SMUG1: variants seen among roughly 807,000 people sequenced by gnomAD.
The protein encoded by SMUG1 is single-strand selective monofunctional uracil DNA glycosylase.
Under a neutral mutation model 23.9 loss-of-function variants are expected in SMUG1, and 13 were observed. The ratio of observed to expected loss-of-function variants is 0.54; its 90% CI spans 0.35 to 0.86. The LOEUF is 0.86. SMUG1 is among the 40% of genes least tolerant of loss of function. SMUG1 has a pLI of 0.01. For synonymous variants in SMUG1, 133 were observed against 139.8 expected (o/e 0.95, Z 0.34); for missense variants, 313 against 339.5 (o/e 0.92, Z 0.61).
Position 54,171,019 on chromosome 12 carries a change from G to A in SMUG1, c.*52+1006C>T, listed in dbSNP as rs1940602202. 2.8e-5 allele frequency among the ~76,000 whole-genome samples: 4 copies of A among 145,454 alleles called. No individual in the cohort carries two copies. The South Asian group carries it at 6.5e-4, about 24-fold the overall frequency. ...TCTTTCTTTTTTTTTTTTTTGAGAC[G>A]AAGTGTCATTCTGTCACCCATGCTG... is the stretch of plus-strand genomic sequence containing the variant. On this transcript the variant is annotated intron_variant and NMD_transcript_variant, in intron 3 of 4. Transcript: ENST00000509864.
At chr12:54,166,161 G>A (rs1940456091) in intron 3 of SMUG1, among the ~76,000 whole-genome samples, 1 of 152,224 alleles carries the variant, frequency 6.6e-6, no homozygotes, top group Admixed American at 6.5e-5. Flanking sequence ...AGGAGTTCGA[G>A]ACCAGCCTGG....
rs1565833193 is a variant in SMUG1 at position 54,185,504 on chromosome 12, ATAAATAAATAAATAAAT to A, written c.-19-1562_-19-1546del. 6.7e-3 allele frequency among the ~76,000 whole-genome samples: 638 copies of A among 95,840 alleles called. 180 individuals carry two copies. The highest frequency in any genetic ancestry group is 0.013 in the South Asian group (37 of 2,898). The allele number at this position is 95,840 out of a possible 152,430, so 62.9% of individuals were successfully genotyped here. A position where few individuals can be genotyped will look rare whatever the true frequency, so the allele number is the denominator to read the frequency against. On this transcript the variant is annotated intron_variant, in intron 2 of 3. Coordinates refer to ENST00000682136, the MANE Select transcript of SMUG1 (RefSeq NM_001243787.2). ...AAATAAAAAATAAATAAATAAATAA[ATAAATAAATAAATAAAT>A]AAATAAATTTGCCGGGCGCAACAGC...
intron 4 of SMUG1, chr12:54,164,894 A>G (rs1940397695): frequency 6.6e-6 from 1 of 152,216 alleles, no homozygotes; most frequent in South Asian, 2.1e-4. Context: ...CGGAGGCAGT[A>G]TTACCCTGTT....
At chr12:54,159,310 C>G (rs1940155752) in intron 4 of SMUG1, among the ~76,000 whole-genome samples, 1 of 152,204 alleles carries the variant, frequency 6.6e-6, no homozygotes, top group Non-Finnish European at 1.5e-5. Flanking sequence ...ATCATCCAAG[C>G]AGCTGCCACA....
intron 1 of SMUG1, chr12:54,188,735 C>G (rs948865536): frequency 6.6e-6 from 1 of 152,248 alleles, no homozygotes; most frequent in Admixed American, 6.5e-5. Context: ...CCTCCGGGGG[C>G]GCCCGCTGGC....
chr12:54,160,392 C>G (rs1367832354), downstream of SMUG1, among the ~76,000 whole-genome samples: 2 of 152,198 alleles, frequency 1.3e-5, no homozygotes, highest in African/African-American at 4.8e-5. Context: ...GACCTGCTAC[C>G]CTGGGCAGTC....
Position 54,181,566 on chromosome 12 carries a change from AC to A in SMUG1, c.*529del. ...GGTCTTCTGACTTGCACTCTGTCAC[AC>A]TGGATTTTTCCTCTGATCCAGCTGC... On this transcript the variant is annotated 3_prime_UTR_variant, in exon 4 of 4. Coordinates refer to ENST00000682136, the MANE Select transcript of SMUG1 (RefSeq NM_001243787.2). 6.4e-7 allele frequency: 1 copy of A among 1,554,438 alleles called. No homozygotes were observed. The highest frequency in any genetic ancestry group is 8.6e-7 in the Non-Finnish European group (1 of 1,156,370).
At chr12:54,176,837 A>G (rs1258245974), downstream of SMUG1, among the ~76,000 whole-genome samples, 24 of 151,374 alleles carry the variant, frequency 1.6e-4, no homozygotes, top group East Asian at 4.7e-3. Context: ...AAAAAAAAAA[A>G]AAAGAGGTAA....
chr12:54,173,225 G>C (rs568820741), intron 2 of SMUG1: 1 of 154,122 alleles, frequency 6.5e-6, no homozygotes, highest in East Asian at 1.9e-4. Flanking sequence ...GACAGGCAGC[G>C]CAAGGGAGAG....
downstream of SMUG1, among the ~76,000 whole-genome samples, chr12:54,178,326 A>AC (rs2136557717): frequency 6.6e-6 from 1 of 152,272 alleles, no homozygotes; most frequent in East Asian, 1.9e-4. Flanking sequence ...AATTGAAAGC[A>AC]ACAGCCCCAC....
chr12:54,172,968 C>A (rs1218300566), intron 2 of SMUG1: 6 of 152,436 alleles, frequency 3.9e-5, no homozygotes, highest in African/African-American at 9.7e-5. Flanking sequence ...GAGGACTCAG[C>A]GGACAGCCTG....
chr12:54,172,212 T>C (rs1386879306), intron 2 of SMUG1: 3 of 421,230 alleles, frequency 7.1e-6, no homozygotes, highest in Non-Finnish European at 1.5e-5. Flanking sequence ...TATTAGTTTC[T>C]ACGTGATGTG....
At position 54,182,220 on chromosome 12, in the gene SMUG1, G is replaced by C; in HGVS notation, c.689C>G (p.Pro230Arg). 1 of 1,612,206 alleles carries C rather than the reference G, an allele frequency of 6.2e-7. No homozygotes were observed. The highest frequency in any genetic ancestry group is 2.2e-5 in the East Asian group (1 of 44,816). ...RARRALAGLM[P>R]EVQVEGLLHP... is the part of the protein sequence containing the mutation. ...CAGGAGCCCTTCCACCTGGACCTCT[G>C]GCATCAGGCCTGCCAGAGCCCGTCG... is the stretch of plus-strand genomic sequence containing the variant. The change falls in exon 4 of 4, where the codon CCA (proline) becomes CGA (arginine). Residue 230 changes from proline (P) to arginine (R), a missense_variant. By Grantham distance (103) the Pro-to-Arg change is moderately radical. Transcript: ENST00000682136.
chr12:54,176,517 A>ACCCCCC (rs1247915453), downstream of SMUG1, among the ~76,000 whole-genome samples: 9,169 of 64,698 alleles, frequency 0.14, 1,053 homozygotes, highest in South Asian at 0.17. Context: ...TCCCCCCCCA[A>ACCCCCC]AAAAAAAGGC....
downstream of SMUG1, among the ~76,000 whole-genome samples, chr12:54,159,756 A>C (rs1486472650): frequency 6.6e-6 from 1 of 152,164 alleles, no homozygotes; most frequent in African/African-American, 2.4e-5. Context: ...GTGCAGGTGC[A>C]TTTTTGTCTA....
chr12:54,173,279 C>G (rs1268698398), intron 2 of SMUG1: 1 of 153,790 alleles, frequency 6.5e-6, no homozygotes, highest in Non-Finnish European at 1.5e-5. Context: ...CATCGTGAGA[C>G]GCGGGAGCAG....
intron 3 of SMUG1, among the ~76,000 whole-genome samples, chr12:54,167,084 G>C (rs762569495): frequency 3.9e-5 from 6 of 152,182 alleles, no homozygotes; most frequent in African/African-American, 7.2e-5. Flanking sequence ...GAATTGCCTG[G>C]AGGGTGGGGG....
chr12:54,164,252 C>T (rs748200113), downstream of SMUG1, among the ~76,000 whole-genome samples: 8 of 147,124 alleles, frequency 5.4e-5, no homozygotes, highest in Admixed American at 2.7e-4. Flanking sequence ...GGGGGGCACA[C>T]GAGGGAGATG....
At chr12:54,161,159 TCCCTCC>T (rs889239355), downstream of SMUG1, among the ~76,000 whole-genome samples, 3 of 151,572 alleles carry the variant, frequency 2.0e-5, no homozygotes, top group Non-Finnish European at 2.9e-5. This position sits in a 1 kb window ranked among gnomAD's most constrained non-coding sequence, Gnocchi z 4.2. Flanking sequence ...TCTTCGCTTC[TCCCTCC>T]CCCTCCCGCC....
Sources: allele counts gnomAD v4.1 joint callset (sites outside exome capture counted in the v4.1 genomes callset), GRCh38; gene constraint gnomAD v4.1.1; non-coding constraint Gnocchi (gnomAD v3.1); transcripts MANE v1.5; gene names NCBI Gene and HGNC (gene_info 2026-07-23, HGNC 2026-07-21).